TMEM200B: variants seen among roughly 807,000 people sequenced by gnomAD.
TMEM200B encodes transmembrane protein 200B.
A neutral mutation model predicts 17.6 loss-of-function variants in TMEM200B; 12 were observed. That is an observed-to-expected ratio of 0.68 (90% confidence interval 0.44 to 1.11). TMEM200B has a LOEUF of 1.11. Among genes scored for constraint, TMEM200B ranks in the 50% least tolerant of loss-of-function variants. The pLI is 0.00. For synonymous variants in TMEM200B, 234 were observed against 209.2 expected (o/e 1.12, Z -1.02); for missense variants, 456 against 447.6 (o/e 1.02, Z -0.17).
At position 29,121,243 on chromosome 1, in the gene TMEM200B, CCCGACG is replaced by C. The variant is rs765939127; in HGVS notation, c.580_585del (p.Arg194_Arg195del). 196 of 1,612,826 alleles carry C rather than the reference CCCGACG, an allele frequency of 1.2e-4. No homozygotes were observed. The highest frequency in any genetic ancestry group is 1.6e-4 in the Non-Finnish European group (184 of 1,179,896). ...CGCACTGACGGGACGGGTGAAGTAC[CCCGACG>C]CGGGGACGGGTCCCAGATTTCTGGC... On this transcript the variant is annotated inframe_deletion, in exon 2 of 2. Coordinates refer to ENST00000521452, the MANE Select transcript of TMEM200B (RefSeq NM_001003682.4). This position sits in a 1 kb window ranked among gnomAD's most constrained non-coding sequence, Gnocchi z 5.6.
In TMEM200B at chr1:29,119,994, TCTTG is replaced by T. The variant is rs1397830183; in HGVS notation, c.*907_*910del. 2.0e-5 allele frequency: 3 copies of T among 152,634 alleles called. No individual in the cohort carries two copies. Among genetic ancestry groups the T allele is most frequent in the African/African-American group, 4.8e-5 (2 of 41,446 alleles). 9.5% of individuals were successfully genotyped at this position (152,634 alleles called of 1,614,324 possible). On this transcript the variant is annotated 3_prime_UTR_variant, in exon 2 of 2. Transcript: ENST00000521452. ...TTGTAGTGTTTAGATATCTGTTTGG[TCTTG>T]CTTCTTGTATTGCATTTTTTTCAAT...
In TMEM200B at chr1:29,119,883, C is replaced by T. The variant is rs1355963298; in HGVS notation, c.*1022G>A. Reference sequence around the variant, plus strand: ...TACATTTCTTGAAAAAATAGGAACTCGGGCAGCAGAATCAGATTGGCAGAA... The same window carrying T: ...TACATTTCTTGAAAAAATAGGAACTTGGGCAGCAGAATCAGATTGGCAGAA... On this transcript the variant is annotated 3_prime_UTR_variant, in exon 2 of 2. Coordinates refer to ENST00000521452, the MANE Select transcript of TMEM200B (RefSeq NM_001003682.4). 2 of 152,616 alleles carry T rather than the reference C, an allele frequency of 1.3e-5. No homozygotes were observed. Among genetic ancestry groups the T allele is most frequent in the African/African-American group, 4.8e-5 (2 of 41,438 alleles). 9.5% of individuals were successfully genotyped at this position (152,616 alleles called of 1,614,324 possible).
chr1:29,123,705 C>T (rs1357312200), intron 1 of TMEM200B, among the ~76,000 whole-genome samples, 151 bp downstream of exon 1: 3 of 150,814 alleles, frequency 2.0e-5, no homozygotes, highest in Non-Finnish European at 3.0e-5. Flanking sequence ...GGTCCCGCCA[C>T]CGCCCGCGTC....
Position 29,121,079 on chromosome 1 carries a change from C to A in TMEM200B, c.750G>T (p.Pro250=). 3 of 1,613,846 alleles carry A rather than the reference C, an allele frequency of 1.9e-6. No homozygotes were observed. Among genetic ancestry groups the A allele is most frequent in the Non-Finnish European group, 2.5e-6 (3 of 1,180,032 alleles). ...QTGHVIITVQ[P]SGSCIEHSKS... The stretch of plus-strand genomic sequence containing the variant: ...TGGAATGTTCAATGCAGGAGCCAGA[C>A]GGCTGCACGGTGATGATCACATGGC... The change falls in exon 2 of 2, where the codon CCG becomes CCT. Residue 250 remains proline, a synonymous_variant. Coordinates refer to ENST00000521452, the MANE Select transcript of TMEM200B (RefSeq NM_001003682.4). The surrounding 1 kb of genome is among the most constrained non-coding windows in gnomAD (Gnocchi z 5.6).
At chr1:29,123,590 C>CGT (rs1437835340) in intron 1 of TMEM200B, among the ~76,000 whole-genome samples, 1 of 152,052 alleles carries the variant, frequency 6.6e-6, no homozygotes, top group Non-Finnish European at 1.5e-5. Flanking sequence ...GACCCCGAGC[C>CGT]GTGGAGGTAG....
At position 29,119,540 on chromosome 1, in the gene TMEM200B, C is replaced by G. The variant is rs1356931676; in HGVS notation, c.*1365G>C. ...GACCTGTATTTATAAGCCGAGGGCT[C>G]AGGGAGCCTAACTGCGGGACCCGTC... is the stretch of plus-strand genomic sequence containing the variant. On this transcript the variant is annotated 3_prime_UTR_variant, in exon 2 of 2. Coordinates refer to ENST00000521452, the MANE Select transcript of TMEM200B (RefSeq NM_001003682.4). 2.0e-5 allele frequency: 3 copies of G among 152,298 alleles called. No homozygotes were observed. In the East Asian group the frequency reaches 5.8e-4, roughly 29 times the overall value. 9.4% of individuals were successfully genotyped at this position (152,298 alleles called of 1,614,324 possible).
chr1:29,121,757 G>A lies in TMEM200B; in HGVS notation c.72C>T (p.Gly24=), dbSNP rs772930764. 3 of 1,221,550 alleles carry A rather than the reference G, an allele frequency of 2.5e-6. No individual in the cohort carries two copies. Among genetic ancestry groups the A allele is most frequent in the Non-Finnish European group, 3.1e-6 (3 of 981,122 alleles). 75.7% of individuals were successfully genotyped at this position (1,221,550 alleles called of 1,614,324 possible). A position where few individuals can be genotyped will look rare whatever the true frequency, so the allele number is the denominator to read the frequency against. The change falls in exon 2 of 2, where the codon GGC becomes GGT. Residue 24 remains glycine, a synonymous_variant. Coordinates refer to ENST00000521452, the MANE Select transcript of TMEM200B (RefSeq NM_001003682.4). The surrounding 1 kb of genome is among the most constrained non-coding windows in gnomAD (Gnocchi z 5.6). ...RSPEGRVSRL[G]RRLGRRRRPR... Reference sequence around the variant, plus strand: ...GGCGCCGGCGGCGGCCCAGGCGGCGGCCCAAGCGAGAGACGCGGCCCTCGG... The same window carrying A: ...GGCGCCGGCGGCGGCCCAGGCGGCGACCCAAGCGAGAGACGCGGCCCTCGG...
Position 29,121,863 on chromosome 1 carries a change from T to A in TMEM200B, c.-20-15A>T. 1 of 1,260,550 alleles carries A rather than the reference T, an allele frequency of 7.9e-7. No homozygotes were observed. The allele number at this position is 1,260,550 out of a possible 1,614,324, so 78.1% of individuals were successfully genotyped here. On this transcript the variant is annotated splice_polypyrimidine_tract_variant and intron_variant, in intron 1 of 1. Coordinates refer to ENST00000521452, the MANE Select transcript of TMEM200B (RefSeq NM_001003682.4). This position sits in a 1 kb window ranked among gnomAD's most constrained non-coding sequence, Gnocchi z 5.6. ...GTCTGGGCGCTCTGCGGAGAGAAGA[T>A]GGGAGGCAAGGACTGGACCGACGGG...
chr1:29,121,694 C>T lies in TMEM200B; in HGVS notation c.135G>A (p.Arg45=). Residue 45 remains arginine (R), a synonymous_variant, in exon 2 of 2, where the codon CGG becomes CGA. Transcript: ENST00000521452. This position sits in a 1 kb window ranked among gnomAD's most constrained non-coding sequence, Gnocchi z 5.6. ...SPPEPLRVRA[R]LRLRSPSGAF... ...CCCCCGACGGCGAGCGCAGCCGCAG[C>T]CGCGCCCGCACCCGCAGAGGCTCGG... 7.7e-7 allele frequency: 1 copy of T among 1,305,760 alleles called. No individual in the cohort carries two copies. The allele number at this position is 1,305,760 out of a possible 1,614,324, so 80.9% of individuals were successfully genotyped here.
In TMEM200B at chr1:29,120,786, G is replaced by A. The variant is rs1431423053; in HGVS notation, c.*119C>T. The A allele has an allele frequency of 2.3e-6, 3 of 1,283,202 alleles. No homozygotes were observed. The highest frequency in any genetic ancestry group is 3.2e-6 in the Non-Finnish European group (3 of 947,252). 79.5% of individuals were successfully genotyped at this position (1,283,202 alleles called of 1,614,324 possible). The stretch of plus-strand genomic sequence containing the variant: ...GCCCTTCACAGCTGCTGTGGTCAGA[G>A]CATCCATCCCCAGCCTGGGATGTGA... On this transcript the variant is annotated 3_prime_UTR_variant, in exon 2 of 2. Transcript: ENST00000521452.
rs772477340 is a variant in TMEM200B at position 29,121,069 on chromosome 1, A to G, written c.760T>C (p.Cys254Arg). 12 of 1,613,744 alleles carry G rather than the reference A, an allele frequency of 7.4e-6. No individual in the cohort carries two copies. Among genetic ancestry groups the G allele is most frequent in the Admixed American group, 3.3e-5 (2 of 60,016 alleles). Residue 254 changes from cysteine (C) to arginine (R), a missense_variant, in exon 2 of 2, where the codon TGC becomes CGC. Cys to Arg is a radical substitution (Grantham distance 180). Transcript: ENST00000521452. This position sits in a 1 kb window ranked among gnomAD's most constrained non-coding sequence, Gnocchi z 5.6. ...TCCAGAGACTTGGAATGTTCAATGC[A>G]GGAGCCAGACGGCTGCACGGTGATG... The part of the protein sequence containing the change: ...VIITVQPSGS[C>R]IEHSKSLDLG...
rs1671791099 is a variant in TMEM200B, at chr1:29,121,662, G to A, written c.167C>T (p.Ala56Val). ...LRLRSPSGAFAALGALVVLVG... is the reference protein window; with the variant it reads ...LRLRSPSGAFVALGALVVLVG... ...CAGTACCACGAGCGCCCCCAGCGCC[G>A]CGAACGCCCCCGACGGCGAGCGCAG... is the stretch of plus-strand genomic sequence containing the variant. Residue 56 changes from alanine to valine, a missense_variant, in exon 2 of 2, where the codon GCG becomes GTG. Ala to Val is a moderately conservative substitution (Grantham distance 64). Coordinates refer to ENST00000521452, the MANE Select transcript of TMEM200B (RefSeq NM_001003682.4). The surrounding 1 kb of genome is among the most constrained non-coding windows in gnomAD (Gnocchi z 5.6). 2 of 1,418,984 alleles carry A rather than the reference G, an allele frequency of 1.4e-6. No individual in the cohort carries two copies. Among genetic ancestry groups the A allele is most frequent in the Non-Finnish European group, 1.8e-6 (2 of 1,089,872 alleles). 87.9% of individuals were successfully genotyped at this position (1,418,984 alleles called of 1,614,324 possible). A position where few individuals can be genotyped will look rare whatever the true frequency, so the allele number is the denominator to read the frequency against.
chr1:29,120,423 G>A lies in TMEM200B; in HGVS notation c.*482C>T, dbSNP rs1434611336. ...TCAAGGCTCAGTCCCCGTCCCAGAT[G>A]GCAGTGGAGAGTCTCATCCCGTGGT... On this transcript the variant is annotated 3_prime_UTR_variant, in exon 2 of 2. Coordinates refer to ENST00000521452, the MANE Select transcript of TMEM200B (RefSeq NM_001003682.4). The A allele has an allele frequency of 6.0e-6, 1 of 165,378 alleles. No individual in the cohort carries two copies. Among genetic ancestry groups the A allele is most frequent in the Non-Finnish European group, 1.3e-5 (1 of 75,706 alleles). The allele number at this position is 165,378 out of a possible 1,614,324, so 10.2% of individuals were successfully genotyped here.
chr1:29,121,398 G>A lies in TMEM200B; in HGVS notation c.431C>T (p.Thr144Met). The part of the protein sequence containing the change: ...TLLYENRDLE[T>M]RRLRQGVLRA... The stretch of plus-strand genomic sequence containing the variant: ...CAGCACCCCCTGGCGGAGCCGTCGC[G>A]TCTCCAAGTCTCGGTTCTCATACAG... The change falls in exon 2 of 2, where the codon ACG becomes ATG. Residue 144 changes from threonine (T) to methionine (M), a missense_variant. Coordinates refer to ENST00000521452, the MANE Select transcript of TMEM200B (RefSeq NM_001003682.4). The surrounding 1 kb of genome is among the most constrained non-coding windows in gnomAD (Gnocchi z 5.6). 31 of 1,541,518 alleles carry A rather than the reference G, an allele frequency of 2.0e-5. No individual in the cohort carries two copies. The highest frequency in any genetic ancestry group is 2.7e-5 in the Non-Finnish European group (31 of 1,147,588).
chr1:29,121,287 A>C lies in TMEM200B; in HGVS notation c.542T>G (p.Val181Gly), dbSNP rs1671761784. The change falls in exon 2 of 2, where the codon GTA becomes GGA. Residue 181 changes from valine (V) to glycine (G), a missense_variant. Transcript: ENST00000521452. This position sits in a 1 kb window ranked among gnomAD's most constrained non-coding sequence, Gnocchi z 5.6. ...PSPGPRSPRA[V>G]GCAEPEIWDP... Reference sequence around the variant, plus strand: ...CCAGATTTCTGGCTCTGCGCAGCCTACGGCTCGGGGACTCCTAGGGCCGGG... The same window carrying C: ...CCAGATTTCTGGCTCTGCGCAGCCTCCGGCTCGGGGACTCCTAGGGCCGGG... 1 of 1,608,396 alleles carries C rather than the reference A, an allele frequency of 6.2e-7. No homozygotes were observed. Among genetic ancestry groups the C allele is most frequent in the Non-Finnish European group, 8.5e-7 (1 of 1,178,268 alleles).
intron 1 of TMEM200B, among the ~76,000 whole-genome samples, chr1:29,122,856 G>A (rs1394813880): frequency 6.6e-6 from 1 of 152,238 alleles, no homozygotes; most frequent in Non-Finnish European, 1.5e-5. Flanking sequence ...CACAGCTTAA[G>A]CCCTCCCGAT....
chr1:29,122,740 CCCTTTCCCGCCGCCTGGCCT>C (rs1671862768), intron 1 of TMEM200B, among the ~76,000 whole-genome samples: 1 of 152,096 alleles, frequency 6.6e-6, no homozygotes, highest in African/African-American at 2.4e-5. Context: ...TGAATCATCC[CCCTTTCCCGCCGCCTGGCCT>C]CCTTTCCCGC....
In TMEM200B at chr1:29,121,885, C is replaced by T. The variant is rs1184773048; in HGVS notation, c.-20-37G>A. Reference sequence around the variant, plus strand: ...AGATGGGAGGCAAGGACTGGACCGACGGGCCTCTAGCTTCAGGGCGCCAGG... The same window carrying T: ...AGATGGGAGGCAAGGACTGGACCGATGGGCCTCTAGCTTCAGGGCGCCAGG... On this transcript the variant is annotated intron_variant, in intron 1 of 1. Coordinates refer to ENST00000521452, the MANE Select transcript of TMEM200B (RefSeq NM_001003682.4). This position sits in a 1 kb window ranked among gnomAD's most constrained non-coding sequence, Gnocchi z 5.6. 2 of 1,216,742 alleles carry T rather than the reference C, an allele frequency of 1.6e-6. No individual in the cohort carries two copies. The highest frequency in any genetic ancestry group is 2.1e-6 in the Non-Finnish European group (2 of 971,056). 75.4% of individuals were successfully genotyped at this position (1,216,742 alleles called of 1,614,324 possible).
intron 1 of TMEM200B, chr1:29,122,390 C>G (rs1434896750): frequency 6.6e-6 from 1 of 152,394 alleles, no homozygotes; most frequent in East Asian, 1.9e-4. Flanking sequence ...GGGGCGTCAC[C>G]GGCTCCAGCC....
Sources: allele counts gnomAD v4.1 joint callset (sites outside exome capture counted in the v4.1 genomes callset), GRCh38; gene constraint gnomAD v4.1.1; non-coding constraint Gnocchi (gnomAD v3.1); transcripts MANE v1.5; gene names NCBI Gene and HGNC (gene_info 2026-07-23, HGNC 2026-07-21).